Variants in MPV17L observed in about 807,000 individuals in gnomAD.
MPV17L encodes the protein MPV17 mitochondrial inner membrane protein like.
Under a neutral mutation model 25.8 loss-of-function variants are expected in MPV17L, and 24 were observed. The observed-to-expected ratio is 0.93, with a 90% CI of 0.67 to 1.31. MPV17L has a LOEUF of 1.31. Ranked by LOEUF, MPV17L falls within the 50% of genes most tolerant of loss-of-function variation. MPV17L has a pLI of 0.00. For synonymous variants in MPV17L, 102 were observed against 115.3 expected, an observed-to-expected ratio of 0.88 and a Z score of 0.74; for missense variants, 250 against 265.6, an observed-to-expected ratio of 0.94 and a Z score of 0.41.
rs2050716619 is a variant in MPV17L, at chr16:15,409,728, G to A, written c.*1616G>A. On this transcript the variant is annotated 3_prime_UTR_variant, in exon 4 of 4. Coordinates refer to ENST00000396385, the MANE Select transcript of MPV17L (RefSeq NM_001128423.2). ...CCTCTTCACACGGACACGTGAGACA[G>A]TCTCCAACTCCTGGCCTCAACTGAT... The A allele has an allele frequency of 2.0e-5, 3 of 152,184 alleles. 1 individual carries two copies. The highest frequency in any genetic ancestry group is 7.2e-5 in the African/African-American group (3 of 41,436). 9.4% of individuals were successfully genotyped at this position (152,184 alleles called of 1,614,324 possible). A position where few individuals can be genotyped will look rare whatever the true frequency, so the allele number is the denominator to read the frequency against.
intron 2 of MPV17L, 130 bp from the exon 3 acceptor site, chr16:15,407,694 A>T: frequency 1.2e-6 from 1 of 843,986 alleles, no homozygotes; most frequent in Non-Finnish European, 1.8e-6. Flanking sequence ...GTGAGCTAAG[A>T]TTGCACCACT....
At chr16:15,403,326 G>A (rs1389941165) in intron 2 of MPV17L, among the ~76,000 whole-genome samples, 76 of 137,316 alleles carry the variant, frequency 5.5e-4, no homozygotes, top group African/African-American at 2.0e-3. Context: ...CTGAGATTGC[G>A]CCACTGCACT....
Position 15,411,778 on chromosome 16 carries a change from AC to A in MPV17L, c.*3670del, listed in dbSNP as rs1386327093. 2 of 152,034 alleles carry A rather than the reference AC, an allele frequency of 1.3e-5. No homozygotes were observed. Among genetic ancestry groups the A allele is most frequent in the Non-Finnish European group, 2.9e-5 (2 of 68,038 alleles). 9.4% of individuals were successfully genotyped at this position (152,034 alleles called of 1,614,324 possible). On this transcript the variant is annotated 3_prime_UTR_variant, in exon 4 of 4. Transcript: ENST00000396385. ...AGACCAGCATGGCCAACACAGTGAA[AC>A]CCCGTCTCTATTAAAAATACAAAAT... is the stretch of plus-strand genomic sequence containing the variant.
intron 1 of MPV17L, among the ~76,000 whole-genome samples, chr16:15,396,573 C>T (rs897536742): frequency 5.3e-5 from 8 of 152,060 alleles, no homozygotes; most frequent in Non-Finnish European, 7.4e-5. Flanking sequence ...GAAAAAGGCC[C>T]ACGGGAAAAT....
At position 15,412,709 on chromosome 16, in the gene MPV17L, A is replaced by G. The variant is rs1277511367; in HGVS notation, c.*4597A>G. The G allele has an allele frequency of 6.7e-6, 1 of 150,096 alleles. No individual in the cohort carries two copies. Among genetic ancestry groups the G allele is most frequent in the African/African-American group, 2.4e-5 (1 of 40,912 alleles). The allele number at this position is 150,096 out of a possible 1,614,324, so 9.3% of individuals were successfully genotyped here. ...TCCTGCCTCAGCCCAAGTAGCAGGG[A>G]CTAAAGGCGCCCGCCACCATGACCC... On this transcript the variant is annotated 3_prime_UTR_variant, in exon 4 of 4. Transcript: ENST00000396385.
chr16:15,398,384 C>T (rs2050605323), intron 1 of MPV17L, among the ~76,000 whole-genome samples: 1 of 151,900 alleles, frequency 6.6e-6, no homozygotes, highest in African/African-American at 2.4e-5. Context: ...GAAACTGAGT[C>T]TCAAAGGGGT....
intron 2 of MPV17L, among the ~76,000 whole-genome samples, chr16:15,403,117 C>T (rs1226168671): frequency 6.6e-6 from 1 of 150,516 alleles, no homozygotes; most frequent in African/African-American, 2.4e-5. Flanking sequence ...TGCCTGTGAT[C>T]CCAACACTTT....
In MPV17L at chr16:15,396,216, C is replaced by A; in HGVS notation, c.310+9C>A. 1 of 1,547,480 alleles carries A rather than the reference C, an allele frequency of 6.5e-7. No individual in the cohort carries two copies. The highest frequency in any genetic ancestry group is 8.7e-7 in the Non-Finnish European group (1 of 1,146,532). On this transcript the variant is annotated intron_variant, in intron 1 of 3. Transcript: ENST00000396385. ...CTCGGCCTTCTATGTCGGTGAGGGGCCGGGAGGGGACCTGGGGGGTGGGAC... is the reference window on the plus strand; with the variant it reads ...CTCGGCCTTCTATGTCGGTGAGGGGACGGGAGGGGACCTGGGGGGTGGGAC...
At position 15,410,343 on chromosome 16, in the gene MPV17L, A is replaced by G. The variant is rs1446512170; in HGVS notation, c.*2231A>G. 6.6e-6 allele frequency: 1 copy of G among 152,176 alleles called. No individual in the cohort carries two copies. Among genetic ancestry groups the G allele is most frequent in the Non-Finnish European group, 1.5e-5 (1 of 68,062 alleles). The allele number at this position is 152,176 out of a possible 1,614,324, so 9.4% of individuals were successfully genotyped here. A position where few individuals can be genotyped will look rare whatever the true frequency, so the allele number is the denominator to read the frequency against. ...AAGGCGGTTGGATCACAAGGTCAGGAGATCGAGACCATCCTGGCTAACATG... is the reference window on the plus strand; with the variant it reads ...AAGGCGGTTGGATCACAAGGTCAGGGGATCGAGACCATCCTGGCTAACATG... On this transcript the variant is annotated 3_prime_UTR_variant, in exon 4 of 4. Transcript: ENST00000396385.
chr16:15,403,499 C>G (rs2050656722), intron 2 of MPV17L, among the ~76,000 whole-genome samples: 3 of 151,538 alleles, frequency 2.0e-5, no homozygotes, highest in Non-Finnish European at 4.4e-5. Context: ...CATAGTGAGA[C>G]CCCATCGCTA....
intron 2 of MPV17L, among the ~76,000 whole-genome samples, chr16:15,407,378 C>G (rs1375291671): frequency 6.6e-6 from 1 of 152,094 alleles, no homozygotes; most frequent in African/African-American, 2.4e-5. Flanking sequence ...ATAATACTAC[C>G]TAGGCATCTT....
At chr16:15,406,050 A>G (rs62039093) in intron 2 of MPV17L, among the ~76,000 whole-genome samples, 15,503 of 151,862 alleles carry the variant, frequency 0.1, 852 homozygotes, top group South Asian at 0.13. Flanking sequence ...TTAGCCAGGC[A>G]TGGTCGTGTG....
chr16:15,398,328 C>T (rs2030154355), intron 1 of MPV17L, among the ~76,000 whole-genome samples: 1 of 151,926 alleles, frequency 6.6e-6, no homozygotes, highest in South Asian at 2.1e-4. Context: ...CAGGCGTGAG[C>T]CCTCACACTT....
intron 1 of MPV17L, among the ~76,000 whole-genome samples, chr16:15,398,743 G>A (rs1172711801): frequency 4.0e-5 from 6 of 151,688 alleles, no homozygotes; most frequent in African/African-American, 4.8e-5. Flanking sequence ...ACAGGTGCCC[G>A]CCACCACGCC....
chr16:15,402,463 C>G (rs2050646260), intron 2 of MPV17L, among the ~76,000 whole-genome samples: 1 of 152,126 alleles, frequency 6.6e-6, no homozygotes, highest in African/African-American at 2.4e-5. Flanking sequence ...TTGGATGGTA[C>G]CAGGCCCCTG....
intron 2 of MPV17L, among the ~76,000 whole-genome samples, chr16:15,407,444 G>T (rs2050690232): frequency 6.6e-6 from 1 of 152,012 alleles, no homozygotes; most frequent in South Asian, 2.1e-4. Flanking sequence ...TGTTTTGTGT[G>T]GTTAAAAGGT....
rs144504784 is a variant in MPV17L at position 15,405,728 on chromosome 16, T to C, written c.382-2096T>C. Among the ~76,000 whole-genome samples, 533 of 151,368 alleles carry C rather than the reference T, an allele frequency of 3.5e-3. 4 individuals carry two copies. The highest frequency in any genetic ancestry group is 0.012 in the African/African-American group (485 of 41,334). The stretch of plus-strand genomic sequence containing the variant: ...TCCCAAAGTGCAGGGATTACAGGGG[T>C]ATATTTTATATTTAAAGCATATTTA... On this transcript the variant is annotated intron_variant, in intron 2 of 3. Coordinates refer to ENST00000396385, the MANE Select transcript of MPV17L (RefSeq NM_001128423.2).
At chr16:15,401,575 C>G (rs1351671477) in intron 2 of MPV17L, among the ~76,000 whole-genome samples, 1 of 152,080 alleles carries the variant, frequency 6.6e-6, no homozygotes, top group African/African-American at 2.4e-5. Flanking sequence ...AATCCCAACA[C>G]TTGGGAGGCT....
intron 2 of MPV17L, among the ~76,000 whole-genome samples, chr16:15,403,368 C>CAAA (rs36042308): frequency 5.9e-4 from 43 of 72,994 alleles, no homozygotes; most frequent in Middle Eastern, 8.5e-3. Context: ...GACTCCGTCT[C>CAAA]AAAAAAAAAA....
Sources: allele counts gnomAD v4.1 joint callset (sites outside exome capture counted in the v4.1 genomes callset), GRCh38; gene constraint gnomAD v4.1.1; transcripts MANE v1.5; gene names NCBI Gene and HGNC (gene_info 2026-07-23, HGNC 2026-07-21).